The following SLC20A2 variants were observed in gnomAD, a reference collection of about 807,000 sequenced individuals.
SLC20A2 encodes solute carrier family 20 member 2.
Under a neutral mutation model 61.0 loss-of-function variants are expected in SLC20A2, and 30 were observed. The ratio of observed to expected loss-of-function variants is 0.49; its 90% CI spans 0.37 to 0.67. The LOEUF is 0.67. SLC20A2 is among the 30% of genes least tolerant of loss of function. SLC20A2 has a pLI of 0.00. For missense variants in SLC20A2, 626 were observed against 866.4 expected (o/e 0.72, Z 3.48); for synonymous variants, 351 against 353.3 (o/e 0.99, Z 0.07).
At chr8:42,462,022 G>A (rs765684606) in intron 4 of SLC20A2, among the ~76,000 whole-genome samples, 21 of 152,166 alleles carry the variant, frequency 1.4e-4, no homozygotes, top group African/African-American at 2.7e-4. Flanking sequence ...GCTAAGTGCC[G>A]TGATGGCAAG....
chr8:42,531,438 A>G (rs1371389244), intron 1 of SLC20A2, among the ~76,000 whole-genome samples: 1 of 152,218 alleles, frequency 6.6e-6, no homozygotes, highest in Non-Finnish European at 1.5e-5. Context: ...AATGTGATAT[A>G]TAAGGGTTTT....
intron 3 of SLC20A2, among the ~76,000 whole-genome samples, chr8:42,464,279 CTTTCTTTTTT>C (rs1298573657): frequency 2.2e-5 from 3 of 136,816 alleles, no homozygotes; most frequent in Admixed American, 7.1e-5. Context: ...GGCTAATTTT[CTTTCTTTTTT>C]TTTTTTTTTT....
upstream of SLC20A2, among the ~76,000 whole-genome samples, chr8:42,505,298 G>A (rs1206304569): frequency 6.6e-6 from 1 of 151,938 alleles, no homozygotes; most frequent in Non-Finnish European, 1.5e-5. Context: ...TTGTAGAGAT[G>A]GAGTTTTGCT....
chr8:42,444,510 G>C (rs889457755), intron 6 of SLC20A2, 136 bp downstream of exon 6: 2 of 684,360 alleles, frequency 2.9e-6, no homozygotes, highest in Admixed American at 2.3e-5. Flanking sequence ...CAGGAACGGA[G>C]AGACAGAGGA....
intron 6 of SLC20A2, among the ~76,000 whole-genome samples, chr8:42,441,671 GT>G (rs941055005): frequency 6.6e-6 from 1 of 151,370 alleles, no homozygotes; most frequent in African/African-American, 2.4e-5. Context: ...GTTTCACCAT[GT>G]TGGCCAAGAT....
intron 4 of SLC20A2, among the ~76,000 whole-genome samples, chr8:42,462,050 C>G (rs533722127): frequency 1.6e-3 from 251 of 152,156 alleles, no homozygotes; most frequent in African/African-American, 5.9e-3. Flanking sequence ...GTGGCCGGAG[C>G]TCAAAAGAGA....
At chr8:42,443,307 A>G (rs1804945896) in intron 6 of SLC20A2, among the ~76,000 whole-genome samples, 1 of 124,286 alleles carries the variant, frequency 8.0e-6, no homozygotes, top group Admixed American at 8.2e-5. Context: ...ATATATATAT[A>G]TAATAAAATG....
chr8:42,512,814 T>C (rs116223181), intron 1 of SLC20A2, among the ~76,000 whole-genome samples: 2,517 of 152,360 alleles, frequency 0.017, 84 homozygotes, highest in African/African-American at 0.057. Context: ...AAGTTGTTCA[T>C]ACACAGCAGA....
intron 1 of SLC20A2, among the ~76,000 whole-genome samples, chr8:42,478,607 T>G (rs1808338432): frequency 6.6e-6 from 1 of 152,156 alleles, no homozygotes; most frequent in Non-Finnish European, 1.5e-5. Context: ...CAACTACCCA[T>G]GTCTATACAG....
intron 2 of SLC20A2, among the ~76,000 whole-genome samples, chr8:42,469,606 T>C (rs1807465424): frequency 6.6e-6 from 1 of 152,180 alleles, no homozygotes; most frequent in Admixed American, 6.5e-5. Flanking sequence ...CTCTAAAGTT[T>C]ATCCATCAAA....
intron 1 of SLC20A2, among the ~76,000 whole-genome samples, chr8:42,489,878 C>G (rs1028529830): frequency 6.6e-6 from 1 of 152,080 alleles, no homozygotes; most frequent in Non-Finnish European, 1.5e-5. Context: ...TCAAGAGTGG[C>G]CTTCGGGGAG....
chr8:42,519,762 T>TA (rs935510264), intron 1 of SLC20A2, among the ~76,000 whole-genome samples: 19 of 152,200 alleles, frequency 1.2e-4, no homozygotes, highest in Non-Finnish European at 2.6e-4. Context: ...ATGCCCAACT[T>TA]AAAGTGACTT....
chr8:42,442,115 TAG>T (rs1804835963), intron 6 of SLC20A2, among the ~76,000 whole-genome samples: 1 of 152,168 alleles, frequency 6.6e-6, no homozygotes, highest in Non-Finnish European at 1.5e-5. Context: ...GTATTTTTAA[TAG>T]AAACAGGGTT....
chr8:42,452,384 A>C (rs938314095), intron 5 of SLC20A2, among the ~76,000 whole-genome samples: 20 of 141,734 alleles, frequency 1.4e-4, no homozygotes, highest in Admixed American at 1.1e-3. Context: ...GAGGAGAAGG[A>C]GGAAGAGATG....
In SLC20A2 at chr8:42,491,449, G is replaced by A. The variant is rs112159019; in HGVS notation, c.-265+9582C>T. ...AAACCAGGGAGGTGTAGATTGCAGT[G>A]AGCCAAGATCACGCCACTGCACTGC... On this transcript the variant is annotated intron_variant, in intron 1 of 10. Coordinates refer to ENST00000520262, the MANE Select transcript of SLC20A2 (RefSeq NM_001257180.2). Among the ~76,000 whole-genome samples, 773 of 151,662 alleles carry A rather than the reference G, an allele frequency of 5.1e-3. 8 individuals are homozygous for A. Among genetic ancestry groups the A allele is most frequent in the African/African-American group, 0.018 (746 of 41,298 alleles).
chr8:42,458,940 A>AC (rs765231520), intron 5 of SLC20A2, among the ~76,000 whole-genome samples: 2,169 of 104,118 alleles, frequency 0.021, 115 homozygotes, highest in African/African-American at 0.074. Flanking sequence ...ATAATTTTTA[A>AC]CCCCCCCCCC....
At chr8:42,520,305 C>G (rs192774447) in intron 1 of SLC20A2, among the ~76,000 whole-genome samples, 4 of 151,568 alleles carry the variant, frequency 2.6e-5, no homozygotes, top group African/African-American at 9.7e-5. Context: ...TGAGCCACCG[C>G]GCCCAGCCTC....
intron 1 of SLC20A2, among the ~76,000 whole-genome samples, chr8:42,493,035 G>A (rs1165178015): frequency 6.6e-6 from 1 of 152,178 alleles, no homozygotes; most frequent in Non-Finnish European, 1.5e-5. Flanking sequence ...ATTCAATTCA[G>A]TCTGAATTTC....
intron 6 of SLC20A2, 23 bp downstream of exon 6, chr8:42,444,623 C>T (rs369288796): frequency 6.4e-7 from 1 of 1,560,966 alleles, no homozygotes; most frequent in African/African-American, 1.4e-5. Flanking sequence ...TTCTGTAAAT[C>T]AGAAGAATTA....
Sources: allele counts gnomAD v4.1 joint callset (sites outside exome capture counted in the v4.1 genomes callset), GRCh38; gene constraint gnomAD v4.1.1; transcripts MANE v1.5; gene names NCBI Gene and HGNC (gene_info 2026-07-23, HGNC 2026-07-21).